The following PLGRKT variants were observed in gnomAD, a reference collection of about 807,000 sequenced individuals.
PLGRKT encodes plasminogen receptor with a C-terminal lysine.
A neutral mutation model predicts 18.5 loss-of-function variants in PLGRKT; 22 were observed. That is an observed-to-expected ratio of 1.19 (90% CI 0.85 to 1.70). The LOEUF is 1.70. Ranked by LOEUF, PLGRKT falls within the 40% of genes most tolerant of loss-of-function variation. PLGRKT has a pLI of 0.00. For synonymous variants in PLGRKT, 72 were observed against 52.8 expected, an observed-to-expected ratio of 1.36 and a Z score of -1.58; for missense variants, 235 against 174.4, an observed-to-expected ratio of 1.35 and a Z score of -1.96.
At chr9:5,367,770 C>T (rs957107728) in intron 3 of PLGRKT, among the ~76,000 whole-genome samples, 2 of 151,912 alleles carry the variant, frequency 1.3e-5, no homozygotes, top group East Asian at 3.9e-4. Context: ...AGCTTCTGCC[C>T]AACAACAACA....
intron 3 of PLGRKT, among the ~76,000 whole-genome samples, chr9:5,362,566 T>C (rs1479318667): frequency 6.6e-6 from 1 of 152,208 alleles, no homozygotes; most frequent in Non-Finnish European, 1.5e-5. Context: ...GAGAGTTATA[T>C]TCTTGACAGA....
intron 3 of PLGRKT, among the ~76,000 whole-genome samples, chr9:5,408,173 G>C (rs1429683156): frequency 6.6e-6 from 1 of 152,202 alleles, no homozygotes; most frequent in East Asian, 1.9e-4. Flanking sequence ...CTGTGAAATG[G>C]GCAGAGGTTG....
intron 3 of PLGRKT, among the ~76,000 whole-genome samples, chr9:5,421,267 C>T (rs1818571011): frequency 6.6e-6 from 1 of 152,214 alleles, no homozygotes; most frequent in Admixed American, 6.5e-5. Flanking sequence ...AACTCGTTCC[C>T]TGGCTATCTG....
chr9:5,375,286 C>T (rs1817606486), intron 3 of PLGRKT, among the ~76,000 whole-genome samples: 2 of 151,968 alleles, frequency 1.3e-5, no homozygotes, highest in African/African-American at 4.8e-5. Context: ...GTGTTGAAAA[C>T]AATAGTGGTT....
intron 3 of PLGRKT, among the ~76,000 whole-genome samples, chr9:5,421,497 A>G (rs1268354283): frequency 6.6e-6 from 1 of 152,200 alleles, no homozygotes; most frequent in Non-Finnish European, 1.5e-5. Flanking sequence ...AAGTTCCACA[A>G]GGGAAGGATT....
At position 5,411,913 on chromosome 9, in the gene PLGRKT, A is replaced by T. The variant is rs147719945; in HGVS notation, c.81+19984T>A. On this transcript the variant is annotated intron_variant, in intron 3 of 5. Coordinates refer to ENST00000223864, the MANE Select transcript of PLGRKT (RefSeq NM_018465.4). Reference sequence around the variant, plus strand: ...AAACTTATAAGTTAATACAATCCCAATGAAAAATATCAACAGACTATTTTA... The same window carrying T: ...AAACTTATAAGTTAATACAATCCCATTGAAAAATATCAACAGACTATTTTA... Among the ~76,000 whole-genome samples, 37 of 152,332 alleles carry T rather than the reference A, an allele frequency of 2.4e-4. No homozygotes were observed. The East Asian group carries it at 6.0e-3, about 25-fold the overall frequency.
chr9:5,371,775 A>C lies in PLGRKT; in HGVS notation c.82-9887T>G, dbSNP rs566531788. ...GATTGTCTATTGAGTAAAAACAATA[A>C]GGGTGTTTTCATTTATCCTGTATTT... On this transcript the variant is annotated intron_variant, in intron 3 of 5. Transcript: ENST00000223864. 5.3e-5 allele frequency among the ~76,000 whole-genome samples: 8 copies of C among 152,214 alleles called. No homozygotes were observed. In the South Asian group the frequency reaches 1.2e-3, roughly 24 times the overall value.
chr9:5,392,542 A>T (rs1184414925), intron 3 of PLGRKT: 2 of 151,960 alleles, frequency 1.3e-5, no homozygotes, highest in Non-Finnish European at 2.9e-5. Context: ...GGAGATAAGC[A>T]TTCCAATTCT....
intron 2 of PLGRKT, among the ~76,000 whole-genome samples, chr9:5,434,857 G>A (rs1342997869): frequency 6.6e-6 from 1 of 152,160 alleles, no homozygotes; most frequent in Non-Finnish European, 1.5e-5. Flanking sequence ...TGATGACGAT[G>A]GCGGTTTTGT....
intron 3 of PLGRKT, among the ~76,000 whole-genome samples, chr9:5,408,253 A>T (rs1196934256): frequency 2.0e-5 from 3 of 152,208 alleles, no homozygotes; most frequent in Non-Finnish European, 2.9e-5. Context: ...AGACTTGCTG[A>T]ATGGTTGTGA....
At chr9:5,375,416 G>A (rs1275658669) in intron 3 of PLGRKT, among the ~76,000 whole-genome samples, 1 of 152,088 alleles carries the variant, frequency 6.6e-6, no homozygotes, top group Non-Finnish European at 1.5e-5. Flanking sequence ...TTTTCAGTTT[G>A]GGGGAAGACA....
At chr9:5,380,946 A>G (rs1245336464) in intron 3 of PLGRKT, among the ~76,000 whole-genome samples, 3 of 152,132 alleles carry the variant, frequency 2.0e-5, no homozygotes, top group Admixed American at 2.0e-4. Context: ...ATAGTGAGCG[A>G]GTTCTCAGAA....
intron 3 of PLGRKT, among the ~76,000 whole-genome samples, chr9:5,429,413 G>A (rs1396341303): frequency 1.3e-5 from 2 of 152,178 alleles, no homozygotes; most frequent in Admixed American, 6.5e-5. Context: ...ACCACAAACT[G>A]GACGGCTTAA....
intron 2 of PLGRKT, among the ~76,000 whole-genome samples, chr9:5,434,138 C>T (rs563517239): frequency 1.1e-3 from 156 of 138,376 alleles, no homozygotes; most frequent in Middle Eastern, 5.0e-3. Context: ...GTCTCTGCCC[C>T]GCCGCCACCC....
rs1013609137 is a variant in PLGRKT, at chr9:5,386,901, C to A, written c.82-25013G>T. ...ACCAGGTCTTGCCCAGACAACCCCTCAACTATGAAATGCCTGGGGTGTTTA... is the reference window on the plus strand; with the variant it reads ...ACCAGGTCTTGCCCAGACAACCCCTAAACTATGAAATGCCTGGGGTGTTTA... On this transcript the variant is annotated intron_variant, in intron 3 of 5. Coordinates refer to ENST00000223864, the MANE Select transcript of PLGRKT (RefSeq NM_018465.4). Among the ~76,000 whole-genome samples, 32 of 152,048 alleles carry A rather than the reference C, an allele frequency of 2.1e-4. 1 individual carries two copies. The highest frequency in any genetic ancestry group is 7.5e-4 in the African/African-American group (31 of 41,330).
chr9:5,394,319 GGT>G (rs1416918808), intron 3 of PLGRKT, among the ~76,000 whole-genome samples: 8 of 151,756 alleles, frequency 5.3e-5, no homozygotes, highest in Non-Finnish European at 1.2e-4. Context: ...AAAAGAACAA[GGT>G]AAATGGCTCA....
At chr9:5,436,886 A>T (rs1486815959) in intron 1 of PLGRKT, among the ~76,000 whole-genome samples, 192 bp from the exon 2 acceptor site, 1 of 152,216 alleles carries the variant, frequency 6.6e-6, no homozygotes, top group Non-Finnish European at 1.5e-5. Flanking sequence ...AAAATAAGCA[A>T]AATTGACCTT....
intron 3 of PLGRKT, among the ~76,000 whole-genome samples, chr9:5,394,080 A>G (rs535336431): frequency 1.3e-5 from 2 of 151,926 alleles, no homozygotes; most frequent in South Asian, 4.1e-4. Flanking sequence ...ACCAAGTTTC[A>G]TACACATCCC....
At chr9:5,402,542 TGATCCCCATCA>T (rs1818174689) in intron 3 of PLGRKT, among the ~76,000 whole-genome samples, 2 of 152,060 alleles carry the variant, frequency 1.3e-5, no homozygotes, top group South Asian at 4.1e-4. Flanking sequence ...CCACACTGGC[TGATCCCCATCA>T]GAAGCCAGAG....
Sources: allele counts gnomAD v4.1 joint callset (sites outside exome capture counted in the v4.1 genomes callset), GRCh38; gene constraint gnomAD v4.1.1; transcripts MANE v1.5; gene names NCBI Gene and HGNC (gene_info 2026-07-23, HGNC 2026-07-21).